The following INKA2 variants were observed in gnomAD, a reference collection of about 807,000 sequenced individuals.
INKA2 encodes the protein PAK4-inhibitor INKA2.
INKA2 carries 3 observed loss-of-function variants against 9.8 expected under a neutral mutation model. The ratio of observed to expected loss-of-function variants is 0.31; its 90% CI spans 0.14 to 0.79. INKA2 has a LOEUF of 0.79. Among genes scored for constraint, INKA2 ranks in the 30% least tolerant of loss-of-function variants. The probability of loss-of-function intolerance (pLI) is 0.62; values close to 1 mark genes in which losing one functional copy is unlikely to be tolerated. For missense variants in INKA2, 392 were observed against 384.4 expected, an observed-to-expected ratio of 1.02 and a Z score of -0.17; for synonymous variants, 147 against 143.3, an observed-to-expected ratio of 1.03 and a Z score of -0.18.
chr1:111,723,094 G>A lies in INKA2; in HGVS notation c.*3874C>T, dbSNP rs1463963819. 3 of 701,564 alleles carry A rather than the reference G, an allele frequency of 4.3e-6. No homozygotes were observed. Among genetic ancestry groups the A allele is most frequent in the Non-Finnish European group, 7.8e-6 (3 of 384,426 alleles). 43.5% of individuals were successfully genotyped at this position (701,564 alleles called of 1,614,324 possible). A position where few individuals can be genotyped will look rare whatever the true frequency, so the allele number is the denominator to read the frequency against. Reference sequence around the variant, plus strand: ...TAGTGCTCATACCATGGTGCTGGCAGAAGTGCCTTAACTGCACCGGATGGG... The same window carrying A: ...TAGTGCTCATACCATGGTGCTGGCAAAAGTGCCTTAACTGCACCGGATGGG... On this transcript the variant is annotated 3_prime_UTR_variant, in exon 2 of 2. Coordinates refer to ENST00000357260, the MANE Select transcript of INKA2 (RefSeq NM_019099.5).
At chr1:111,734,870 G>A (rs748513138) in intron 1 of INKA2, among the ~76,000 whole-genome samples, 32 of 152,228 alleles carry the variant, frequency 2.1e-4, no homozygotes, top group Non-Finnish European at 2.8e-4. Context: ...CACTGAACCC[G>A]TGCTTGTTAT....
At chr1:111,744,183 G>A (rs1663208660), upstream of INKA2, among the ~76,000 whole-genome samples, 1 of 152,244 alleles carries the variant, frequency 6.6e-6, no homozygotes, top group Non-Finnish European at 1.5e-5. Flanking sequence ...CCAATACCAG[G>A]AGGGACAGCT....
At chr1:111,734,226 G>C (rs1662966032) in intron 1 of INKA2, among the ~76,000 whole-genome samples, 2 of 151,308 alleles carry the variant, frequency 1.3e-5, no homozygotes, top group African/African-American at 4.8e-5. Flanking sequence ...CATCTATGGG[G>C]GTCTGCTTAG....
At chr1:111,748,364 A>G (rs951491176) in intron 1 of INKA2, among the ~76,000 whole-genome samples, 7 of 152,216 alleles carry the variant, frequency 4.6e-5, no homozygotes, top group Non-Finnish European at 7.3e-5. Flanking sequence ...AGTTTCTCTA[A>G]CTGTAAAGTG....
rs145633487 is a variant in INKA2 at position 111,727,509 on chromosome 1, G to A, written c.353C>T (p.Pro118Leu). The A allele has an allele frequency of 6.4e-5, 104 of 1,614,228 alleles. No individual in the cohort carries two copies. The African/African-American group carries it at 1.1e-3, about 17-fold the overall frequency. Residue 118 changes from proline (P) to leucine (L), a missense_variant, in exon 2 of 2, where the codon CCC becomes CTC. Physicochemically the swap from Pro to Leu is moderately conservative, Grantham distance 98. Transcript: ENST00000357260. ...HRSVCGRDLA[P>L]LPRTQPHQSC... is the part of the protein sequence containing the mutation. ...TTGATGTGGCTGTGTCCTGGGCAAG[G>A]GGGCTAAATCCCTTCCACAGACACT...
rs142372896 is a variant in INKA2, at chr1:111,728,096, C to T, written c.58-292G>A. Among the ~76,000 whole-genome samples, 6 of 143,586 alleles carry T rather than the reference C, an allele frequency of 4.2e-5. No individual in the cohort carries two copies. The East Asian group carries it at 9.9e-4, about 24-fold the overall frequency. The allele number at this position is 143,586 out of a possible 152,430, so 94.2% of individuals were successfully genotyped here. A position where few individuals can be genotyped will look rare whatever the true frequency, so the allele number is the denominator to read the frequency against. On this transcript the variant is annotated intron_variant, in intron 1 of 1. Coordinates refer to ENST00000357260, the MANE Select transcript of INKA2 (RefSeq NM_019099.5). The stretch of plus-strand genomic sequence containing the variant: ...ACAGACATTTCATCTCCCCAACTAC[C>T]CTATGAGGTAGTGACTATTACTGTT...
At chr1:111,737,044 AG>A (rs1244053840) in intron 1 of INKA2, among the ~76,000 whole-genome samples, 3 of 150,948 alleles carry the variant, frequency 2.0e-5, no homozygotes, top group African/African-American at 7.3e-5. Context: ...GGCATTGGGG[AG>A]GGGGTGGAGC....
rs1293619701 is a variant in INKA2 at position 111,726,543 on chromosome 1, A to G, written c.*425T>C. 2 of 194,594 alleles carry G rather than the reference A, an allele frequency of 1.0e-5. No individual in the cohort carries two copies. Among genetic ancestry groups the G allele is most frequent in the Admixed American group, 1.1e-4 (2 of 18,740 alleles). 12.1% of individuals were successfully genotyped at this position (194,594 alleles called of 1,614,324 possible). A position where few individuals can be genotyped will look rare whatever the true frequency, so the allele number is the denominator to read the frequency against. ...TAGACAGGTCTTTATTTGGGGGCCT[A>G]TCTGGGGAACCTGATGCTCCAGGGC... On this transcript the variant is annotated 3_prime_UTR_variant, in exon 2 of 2. Transcript: ENST00000357260.
intron 1 of INKA2, among the ~76,000 whole-genome samples, chr1:111,737,104 T>C (rs1663023071): frequency 6.6e-6 from 1 of 152,092 alleles, no homozygotes; most frequent in South Asian, 2.1e-4. Context: ...CATTCTGGGA[T>C]CCAGGCCAGG....
At chr1:111,749,127 A>G (rs960780148) in intron 1 of INKA2, among the ~76,000 whole-genome samples, 1 of 152,128 alleles carries the variant, frequency 6.6e-6, no homozygotes, top group African/African-American at 2.4e-5. Context: ...CAGAGATAAA[A>G]CCAGTCTCCC....
chr1:111,744,886 T>C (rs1663227072), intron 1 of INKA2, among the ~76,000 whole-genome samples: 2 of 152,108 alleles, frequency 1.3e-5, no homozygotes, highest in South Asian at 4.1e-4. Flanking sequence ...CTTTACTTCT[T>C]TATAAAGTCA....
At chr1:111,743,351 A>G (rs569045087), upstream of INKA2, among the ~76,000 whole-genome samples, 312 of 152,326 alleles carry the variant, frequency 2.0e-3, no homozygotes, top group Admixed American at 3.6e-3. Context: ...TTTGCCCTCC[A>G]GTGGTCGGTA....
chr1:111,743,534 T>A (rs763790544), upstream of INKA2, among the ~76,000 whole-genome samples: 7 of 152,104 alleles, frequency 4.6e-5, no homozygotes, highest in Non-Finnish European at 7.4e-5. Context: ...ACCAGTTGTG[T>A]CCCAAGGGAG....
At chr1:111,740,259 G>A (rs1401358171), upstream of INKA2, among the ~76,000 whole-genome samples, 12 of 152,252 alleles carry the variant, frequency 7.9e-5, no homozygotes, top group African/African-American at 2.4e-4. Flanking sequence ...CTCGCCTTTG[G>A]CGAAGCGCTC....
chr1:111,755,495 G>A, intron 1 of INKA2: 1 of 590,776 alleles, frequency 1.7e-6, no homozygotes, highest in Non-Finnish European at 2.9e-6. Flanking sequence ...GGAAGAGGTG[G>A]CCGCGAAGCG....
chr1:111,727,362 C>T lies in INKA2; in HGVS notation c.500G>A (p.Gly167Asp). The T allele has an allele frequency of 6.2e-7, 1 of 1,613,942 alleles. No homozygotes were observed. Among genetic ancestry groups the T allele is most frequent in the Non-Finnish European group, 8.5e-7 (1 of 1,179,946 alleles). ...CAGTTCTGGCAAGTCTAGCCAATTG[C>T]CCACCAGGTCTGCAAAAACGTTGTC... is the stretch of plus-strand genomic sequence containing the variant. ...LGDNVFADLV[G>D]NWLDLPELEK... Residue 167 changes from glycine (G) to aspartate (D), a missense_variant, in exon 2 of 2, where the codon GGC becomes GAC. Physicochemically the swap from Gly to Asp is moderately conservative, Grantham distance 94 (BLOSUM62 -1). Transcript: ENST00000357260.
At position 111,723,652 on chromosome 1, in the gene INKA2, C is replaced by CT. The variant is rs1009721489; in HGVS notation, c.*3315dup. ...CGCCCCAGAGGAAGAACTAAGCTCTCTGATTTCTCTCTGCTTACGTCTGCT... is the reference window on the plus strand; with the variant it reads ...CGCCCCAGAGGAAGAACTAAGCTCTCTTGATTTCTCTCTGCTTACGTCTGCT... On this transcript the variant is annotated 3_prime_UTR_variant, in exon 2 of 2. Transcript: ENST00000357260. 1 of 153,556 alleles carries CT rather than the reference C, an allele frequency of 6.5e-6. No individual in the cohort carries two copies. Among genetic ancestry groups the CT allele is most frequent in the Admixed American group, 6.5e-5 (1 of 15,336 alleles). 9.5% of individuals were successfully genotyped at this position (153,556 alleles called of 1,614,324 possible).
At chr1:111,730,807 G>C (rs1396643834) in intron 1 of INKA2, among the ~76,000 whole-genome samples, 1 of 152,114 alleles carries the variant, frequency 6.6e-6, no homozygotes, top group African/African-American at 2.4e-5. Flanking sequence ...ACATCAGTAT[G>C]TCACCCCAGA....
chr1:111,722,648 C>T lies in INKA2; in HGVS notation c.*4320G>A. On this transcript the variant is annotated 3_prime_UTR_variant, in exon 2 of 2. Coordinates refer to ENST00000357260, the MANE Select transcript of INKA2 (RefSeq NM_019099.5). The stretch of plus-strand genomic sequence containing the variant: ...CCAGTGCATGTCATCCTTTGGGGAA[C>T]AGTGTAAATTTGCCATTTAGCAAAT... 6.3e-6 allele frequency: 1 copy of T among 157,774 alleles called. No homozygotes were observed. Among genetic ancestry groups the T allele is most frequent in the East Asian group, 1.9e-4 (1 of 5,246 alleles). 9.8% of individuals were successfully genotyped at this position (157,774 alleles called of 1,614,324 possible). A position where few individuals can be genotyped will look rare whatever the true frequency, so the allele number is the denominator to read the frequency against.
Sources: allele counts gnomAD v4.1 joint callset (sites outside exome capture counted in the v4.1 genomes callset), GRCh38; gene constraint gnomAD v4.1.1; transcripts MANE v1.5; gene names NCBI Gene and HGNC (gene_info 2026-07-23, HGNC 2026-07-21).